The following BCCIP variants were observed in gnomAD, a reference collection of about 807,000 sequenced individuals.
BCCIP encodes BRCA2 and CDKN1A-interacting protein.
Under a neutral mutation model 32.8 loss-of-function variants are expected in BCCIP, and 23 were observed. That is an observed-to-expected ratio of 0.70 (90% CI 0.51 to 0.99). BCCIP has a LOEUF of 0.99. Among genes scored for constraint, BCCIP ranks in the 50% least tolerant of loss-of-function variants. The pLI, the probability that BCCIP is intolerant of heterozygous loss-of-function variation, is 0.00. For synonymous variants in BCCIP, 144 were observed against 137.6 expected (o/e 1.05, Z -0.33); for missense variants, 378 against 379.8 (o/e 1.00, Z 0.04).
chr10:125,834,897 T>C (rs12773563), intron 6 of BCCIP, among the ~76,000 whole-genome samples: 33,531 of 147,384 alleles, frequency 0.23, 4,513 homozygotes, highest in East Asian at 0.34. Context: ...CTTTGGGAGG[T>C]CAAGGCGGGT....
At position 125,826,596 on chromosome 10, in the gene BCCIP, G is replaced by T. The variant is rs1270026339; in HGVS notation, c.171G>T (p.Val57=). The change falls in exon 2 of 7, where the codon GTG becomes GTT. Residue 57 remains valine, a synonymous_variant. Coordinates refer to ENST00000278100, the MANE Select transcript of BCCIP (RefSeq NM_078468.3). ...DEEDEVIDEE[V]NIEFEAYSLS... is the part of the protein sequence containing the mutation. ...ATTTTGTGTGTTATTTACAGGAAGT[G>T]AATATTGAATTTGAAGCTTATTCCC... The T allele has an allele frequency of 3.7e-6, 6 of 1,613,302 alleles. No homozygotes were observed. The highest frequency in any genetic ancestry group is 5.1e-6 in the Non-Finnish European group (6 of 1,179,700).
intron 7 of BCCIP, chr10:125,852,708 G>C (rs924067428): frequency 1.2e-5 from 17 of 1,409,440 alleles, no homozygotes; most frequent in Non-Finnish European, 1.6e-5. Flanking sequence ...CACTGATCCT[G>C]AAGAGAATAT....
At chr10:125,841,600 C>T in exon 7 of BCCIP, 1 of 1,448,696 alleles carries the variant, frequency 6.9e-7, no homozygotes, top group South Asian at 1.5e-5. Context: ...ATTAAAATAC[C>T]TCACTATCAT....
chr10:125,842,811 T>C, downstream of BCCIP: 1 of 948,170 alleles, frequency 1.1e-6, no homozygotes, highest in Non-Finnish European at 1.3e-6. Flanking sequence ...AAGCTGATTC[T>C]CTCCATCTCT....
Position 125,834,477 on chromosome 10 carries a change from A to G in BCCIP, c.774+531A>G, listed in dbSNP as rs939009637. Reference sequence around the variant, plus strand: ...GTACTGTGATGGACAGCCATATACCAGAGAATATTCTTACCCTCTCTTCCT... The same window carrying G: ...GTACTGTGATGGACAGCCATATACCGGAGAATATTCTTACCCTCTCTTCCT... On this transcript the variant is annotated intron_variant, in intron 6 of 6. Transcript: ENST00000278100. Among the ~76,000 whole-genome samples the G allele has an allele frequency of 3.3e-5, 5 of 152,060 alleles. No individual in the cohort carries two copies. The East Asian group carries it at 9.7e-4, about 29-fold the overall frequency.
chr10:125,839,306 C>T (rs146303579), downstream of BCCIP: 363 of 1,017,510 alleles, frequency 3.6e-4, no homozygotes, highest in African/African-American at 5.2e-3. Context: ...AAGGAGGCCA[C>T]GTAGGTGAGT....
chr10:125,825,064 T>C (rs1057221705), intron 1 of BCCIP, among the ~76,000 whole-genome samples: 2 of 152,264 alleles, frequency 1.3e-5, no homozygotes, highest in Non-Finnish European at 2.9e-5. Flanking sequence ...CATTTTTCAC[T>C]TAGAACTTTG....
downstream of BCCIP, chr10:125,839,026 GCTTT>G (rs1387470193): frequency 1.9e-6 from 3 of 1,613,992 alleles, no homozygotes; most frequent in Non-Finnish European, 2.5e-6. Context: ...GGACAGAAGA[GCTTT>G]CTTTATGTTT....
chr10:125,835,651 A>G (rs1296908339), intron 6 of BCCIP, among the ~76,000 whole-genome samples: 1 of 151,602 alleles, frequency 6.6e-6, no homozygotes, highest in African/African-American at 2.4e-5. Flanking sequence ...ATTTGGGGGG[A>G]GTGTGTATGG....
At chr10:125,840,722 G>A (rs1854853488), downstream of BCCIP, 19 of 1,092,372 alleles carry the variant, frequency 1.7e-5, no homozygotes, top group Non-Finnish European at 2.4e-5. Context: ...AGGGCCTCAA[G>A]TGCCATTGCA....
rs1166672820 is a variant in BCCIP at position 125,835,304 on chromosome 10, GGT to G, written c.775-798_775-797del. Reference sequence around the variant, plus strand: ...CATAATTTTTAAAAAACATAGGCCGGGTGCGGTGGCTCATGCCTGTAATCCCA... The same window carrying G: ...CATAATTTTTAAAAAACATAGGCCGGGCGGTGGCTCATGCCTGTAATCCCA... On this transcript the variant is annotated intron_variant, in intron 6 of 6. Coordinates refer to ENST00000278100, the MANE Select transcript of BCCIP (RefSeq NM_078468.3). Among the ~76,000 whole-genome samples the G allele has an allele frequency of 3.2e-3, 490 of 152,128 alleles. 5 individuals carry two copies. Among genetic ancestry groups the G allele is most frequent in the African/African-American group, 0.011 (456 of 41,506 alleles).
At chr10:125,830,731 T>A in intron 4 of BCCIP, 80 bp downstream of exon 4, 1 of 844,202 alleles carries the variant, frequency 1.2e-6, no homozygotes, top group Non-Finnish European at 2.0e-6. Context: ...GAAAATGTCT[T>A]TTATGTTAAA....
chr10:125,829,673 G>A (rs1048427610), intron 3 of BCCIP, among the ~76,000 whole-genome samples: 18 of 152,264 alleles, frequency 1.2e-4, no homozygotes, highest in African/African-American at 4.1e-4. Flanking sequence ...TTAAACCTAT[G>A]GGGCATTCCT....
Position 125,823,736 on chromosome 10 carries a change from G to T in BCCIP, c.165+14G>T. 1.2e-6 allele frequency: 2 copies of T among 1,613,602 alleles called. No individual in the cohort carries two copies. Among genetic ancestry groups the T allele is most frequent in the Non-Finnish European group, 1.7e-6 (2 of 1,179,632 alleles). On this transcript the variant is annotated intron_variant, in intron 1 of 6. Coordinates refer to ENST00000278100, the MANE Select transcript of BCCIP (RefSeq NM_078468.3). ...GTCATTGACGAGGTGAGAAGGACAC[G>T]CTCCCCTAGTTGGTTTATACCTGAG...
At chr10:125,845,205 T>C (rs912585705), downstream of BCCIP, among the ~76,000 whole-genome samples, 3 of 152,196 alleles carry the variant, frequency 2.0e-5, no homozygotes, top group South Asian at 2.1e-4. Context: ...AGTGTTCTTA[T>C]AGATGTCAGA....
chr10:125,835,898 A>C (rs1306269687), intron 6 of BCCIP, among the ~76,000 whole-genome samples: 1 of 152,238 alleles, frequency 6.6e-6, no homozygotes, highest in Admixed American at 6.5e-5. Context: ...CCTGTTCCTC[A>C]TGTGGGTTTA....
downstream of BCCIP, among the ~76,000 whole-genome samples, chr10:125,845,939 C>T (rs1160629733): frequency 6.6e-6 from 1 of 152,238 alleles, no homozygotes; most frequent in African/African-American, 2.4e-5. Flanking sequence ...CTTTGACAGC[C>T]ACAGGCACCT....
At chr10:125,853,633 C>T in exon 8 of BCCIP, 1 of 249,858 alleles carries the variant, frequency 4.0e-6, no homozygotes, top group Non-Finnish European at 7.6e-6. Flanking sequence ...AAGAGTCAAA[C>T]AATTTGCTTT....
intron 2 of BCCIP, 88 bp downstream of exon 2, chr10:125,826,753 AT>A: frequency 6.5e-7 from 1 of 1,540,346 alleles, no homozygotes; most frequent in Non-Finnish European, 8.7e-7. Flanking sequence ...TAATCTCAGC[AT>A]TTTGGAAGGC....
Sources: allele counts gnomAD v4.1 joint callset (sites outside exome capture counted in the v4.1 genomes callset), GRCh38; gene constraint gnomAD v4.1.1; transcripts MANE v1.5; gene names NCBI Gene and HGNC (gene_info 2026-07-23, HGNC 2026-07-21).